The following NIPAL2 variants were observed in gnomAD, a reference collection of about 807,000 sequenced individuals.
NIPAL2 encodes the protein NIPA like domain containing 2.
A neutral mutation model predicts 48.9 loss-of-function variants in NIPAL2; 43 were observed. That is an observed-to-expected ratio of 0.88 (90% confidence interval 0.69 to 1.13). NIPAL2 has a LOEUF of 1.13. Among genes scored for constraint, NIPAL2 ranks in the 50% most tolerant of loss-of-function variants. The pLI is 0.00. For missense variants in NIPAL2, 446 were observed against 461.4 expected, an observed-to-expected ratio of 0.97 and a Z score of 0.31; for synonymous variants, 167 against 174.6, an observed-to-expected ratio of 0.96 and a Z score of 0.34.
chr8:98,229,255 A>T (rs1440596723), intron 4 of NIPAL2, among the ~76,000 whole-genome samples: 1 of 152,248 alleles, frequency 6.6e-6, no homozygotes, highest in Non-Finnish European at 1.5e-5. Flanking sequence ...CACAAATATT[A>T]AATAAAACCT....
intron 1 of NIPAL2, among the ~76,000 whole-genome samples, chr8:98,289,445 CA>C (rs1463683567): frequency 1.3e-5 from 2 of 151,998 alleles, no homozygotes; most frequent in Admixed American, 6.6e-5. Context: ...TATTGATTTA[CA>C]AAAGTTTTGA....
At chr8:98,273,811 A>G (rs945870550) in intron 1 of NIPAL2, among the ~76,000 whole-genome samples, 1 of 152,008 alleles carries the variant, frequency 6.6e-6, no homozygotes, top group Non-Finnish European at 1.5e-5. Context: ...CTAATAATAT[A>G]TGAAAGTACC....
chr8:98,192,908 A>T lies in NIPAL2; in HGVS notation c.*70T>A. Reference sequence around the variant, plus strand: ...TAGCTTATAAAAGAGCTGCTGACACAAATTGAACATGTGCAATTTTTTAAA... The same window carrying T: ...TAGCTTATAAAAGAGCTGCTGACACTAATTGAACATGTGCAATTTTTTAAA... On this transcript the variant is annotated 3_prime_UTR_variant, in exon 11 of 11. Coordinates refer to ENST00000430223, the MANE Select transcript of NIPAL2 (RefSeq NM_001321635.2). 1.1e-6 allele frequency: 1 copy of T among 934,870 alleles called. No homozygotes were observed. Among genetic ancestry groups the T allele is most frequent in the Non-Finnish European group, 1.7e-6 (1 of 571,886 alleles). The allele number at this position is 934,870 out of a possible 1,614,324, so 57.9% of individuals were successfully genotyped here.
intron 3 of NIPAL2, among the ~76,000 whole-genome samples, chr8:98,245,296 G>A (rs914683492): frequency 6.6e-6 from 1 of 152,124 alleles, no homozygotes; most frequent in Non-Finnish European, 1.5e-5. Flanking sequence ...ATCATTCCCC[G>A]TTAGTTGTAG....
intron 1 of NIPAL2, among the ~76,000 whole-genome samples, chr8:98,259,223 C>T (rs1024770450): frequency 6.0e-5 from 9 of 150,496 alleles, no homozygotes; most frequent in South Asian, 4.2e-4. Flanking sequence ...ACTACAGGCG[C>T]GCGCCACCAT....
At chr8:98,242,488 A>ATTTTTTGTTTTTT (rs774556900) in intron 3 of NIPAL2, among the ~76,000 whole-genome samples, 3,781 of 117,514 alleles carry the variant, frequency 0.032, 264 homozygotes, top group East Asian at 0.15. Context: ...CACCTGACAG[A>ATTTTTTGTTTTTT]TTTTTTTTTT....
In NIPAL2 at chr8:98,204,390, T is replaced by C. The variant is rs575279908; in HGVS notation, c.791+721A>G. ...GTACTGATTTTGAGCTCTGATTTCT[T>C]ATCTGGGATGGTGCTTTTGCATAGC... On this transcript the variant is annotated intron_variant, in intron 7 of 10. Coordinates refer to ENST00000430223, the MANE Select transcript of NIPAL2 (RefSeq NM_001321635.2). Among the ~76,000 whole-genome samples, 7 of 152,288 alleles carry C rather than the reference T, an allele frequency of 4.6e-5. 1 individual carries two copies. The South Asian group carries it at 1.4e-3, about 32-fold the overall frequency.
At chr8:98,241,042 C>G (rs960348222) in intron 3 of NIPAL2, among the ~76,000 whole-genome samples, 3 of 152,182 alleles carry the variant, frequency 2.0e-5, no homozygotes, top group Admixed American at 1.3e-4. Flanking sequence ...GTGCATGGAC[C>G]AAGCTGTGCT....
intron 1 of NIPAL2, among the ~76,000 whole-genome samples, chr8:98,269,058 G>A (rs898031444): frequency 1.3e-5 from 2 of 152,190 alleles, no homozygotes; most frequent in African/African-American, 4.8e-5. Flanking sequence ...TGAGATGGCA[G>A]CAATTCAATG....
chr8:98,223,092 T>TGAGCA (rs1174054244), intron 4 of NIPAL2, among the ~76,000 whole-genome samples: 1 of 152,192 alleles, frequency 6.6e-6, no homozygotes, highest in African/African-American at 2.4e-5. Context: ...CCTCAGGTGA[T>TGAGCA]TTAACAATTT....
At position 98,192,540 on chromosome 8, in the gene NIPAL2, T is replaced by C. The variant is rs1810347094; in HGVS notation, c.*438A>G. On this transcript the variant is annotated 3_prime_UTR_variant, in exon 11 of 11. Coordinates refer to ENST00000430223, the MANE Select transcript of NIPAL2 (RefSeq NM_001321635.2). Reference sequence around the variant, plus strand: ...TATAGGGAGGCTTATAAAAGGTGTCTTAGAAAAAAAATGAGCGCTCTCAAA... The same window carrying C: ...TATAGGGAGGCTTATAAAAGGTGTCCTAGAAAAAAAATGAGCGCTCTCAAA... 6.4e-6 allele frequency: 1 copy of C among 155,428 alleles called. No homozygotes were observed. Among genetic ancestry groups the C allele is most frequent in the African/African-American group, 2.4e-5 (1 of 41,576 alleles). 9.6% of individuals were successfully genotyped at this position (155,428 alleles called of 1,614,324 possible). A position where few individuals can be genotyped will look rare whatever the true frequency, so the allele number is the denominator to read the frequency against.
intron 7 of NIPAL2, among the ~76,000 whole-genome samples, chr8:98,203,632 TCAGTGCTCCAGCTG>T (rs1243509387): frequency 6.6e-6 from 1 of 152,180 alleles, no homozygotes; most frequent in African/African-American, 2.4e-5. Context: ...AAAACAATGC[TCAGTGCTCCAGCTG>T]CAGAGCACAT....
At chr8:98,278,929 T>G (rs528196913) in intron 1 of NIPAL2, among the ~76,000 whole-genome samples, 9 of 152,276 alleles carry the variant, frequency 5.9e-5, no homozygotes, top group African/African-American at 2.2e-4. Context: ...CAATTAAAAG[T>G]GTAGTAAAAA....
At chr8:98,293,887 A>G in intron 1 of NIPAL2, 116 bp downstream of exon 1, 1 of 980,374 alleles carries the variant, frequency 1.0e-6, no homozygotes. Context: ...CCACTCGGAG[A>G]GGCCGGGTGT....
intron 3 of NIPAL2, among the ~76,000 whole-genome samples, chr8:98,243,061 G>C (rs1429794458): frequency 6.6e-6 from 1 of 152,198 alleles, no homozygotes; most frequent in Admixed American, 6.5e-5. Flanking sequence ...TATCCGTAAG[G>C]GGAAAGGACA....
intron 1 of NIPAL2, among the ~76,000 whole-genome samples, chr8:98,260,579 A>G (rs537187759): frequency 6.6e-6 from 1 of 152,294 alleles, no homozygotes; most frequent in Admixed American, 6.5e-5. Context: ...ACGGGCTTAA[A>G]AAACGGCGCA....
At chr8:98,193,369 T>C (rs201061499) in intron 10 of NIPAL2, 8 of 1,613,822 alleles carry the variant, frequency 5.0e-6, no homozygotes, top group Non-Finnish European at 6.8e-6. Context: ...GAGATTCACA[T>C]GAAGCATTCA....
chr8:98,271,526 T>G (rs1045806072), intron 1 of NIPAL2, among the ~76,000 whole-genome samples: 2 of 152,148 alleles, frequency 1.3e-5, no homozygotes, highest in Non-Finnish European at 2.9e-5. Context: ...AGAAATGCTA[T>G]GATTTTTTGT....
chr8:98,236,333 G>A, intron 3 of NIPAL2, 119 bp from the exon 4 acceptor site: 1 of 609,428 alleles, frequency 1.6e-6, no homozygotes, highest in Non-Finnish European at 2.9e-6. Context: ...CCTGATCAGA[G>A]ACATTCAGCA....
Sources: gnomAD v4.1 joint callset for allele counts (sites outside exome capture counted in the v4.1 genomes callset) on GRCh38, gnomAD v4.1.1 for gene constraint, MANE v1.5 for transcripts, NCBI Gene and HGNC (gene_info 2026-07-23, HGNC 2026-07-21) for gene names.